The following PRDX4 variants were observed in gnomAD, a reference collection of about 807,000 sequenced individuals.
The protein encoded by PRDX4 is peroxiredoxin-4.
Under a neutral mutation model 20.5 loss-of-function variants are expected in PRDX4, and 12 were observed. The ratio of observed to expected loss-of-function variants is 0.58; its 90% CI spans 0.37 to 0.95. PRDX4 has a LOEUF of 0.95. PRDX4 is among the 40% of genes least tolerant of loss of function. The probability of loss-of-function intolerance (pLI) is 0.01; values close to 1 mark genes in which losing one functional copy is unlikely to be tolerated. For synonymous variants in PRDX4, 99 were observed against 87.5 expected, an observed-to-expected ratio of 1.13 and a Z score of -0.73; for missense variants, 180 against 207.3, an observed-to-expected ratio of 0.87 and a Z score of 0.81.
At chrX:23,683,368 G>A (rs888210223) in intron 5 of PRDX4, among the ~76,000 whole-genome samples, 1 of 111,453 alleles carries the variant, frequency 9.0e-6, no homozygotes, top group Admixed American at 9.7e-5. Flanking sequence ...AGGCCTTTCA[G>A]CTCACCAGAT....
At position 23,674,980 on chromosome X, in the gene PRDX4, T is replaced by A; in HGVS notation, c.360-10T>A. On this transcript the variant is annotated splice_polypyrimidine_tract_variant and intron_variant, in intron 2 of 6. Transcript: ENST00000379341. ...AGAATACTGAATATTTTTTTTTTTT[T>A]ACCTTTCAGCACATTTGTGTGTCCA... is the stretch of plus-strand genomic sequence containing the variant. 2.5e-6 allele frequency: 3 copies of A among 1,193,646 alleles called. No individual in the cohort carries two copies. In the South Asian group the frequency reaches 5.7e-5, roughly 23 times the overall value.
At chrX:23,674,269 AAT>A (rs1365036239) in intron 2 of PRDX4, among the ~76,000 whole-genome samples, 10 of 111,963 alleles carry the variant, frequency 8.9e-5, no homozygotes, top group Non-Finnish European at 1.9e-4. Context: ...TGTATATATA[AAT>A]ATGTGTTTCA....
intron 1 of PRDX4, 136 bp from the exon 2 acceptor site, chrX:23,671,393 G>T: frequency 2.3e-6 from 1 of 440,005 alleles, no homozygotes; most frequent in South Asian, 4.5e-5. Context: ...ACTCTTTTAA[G>T]AAGTCTGTAA....
chrX:23,681,046 G>A (rs904132284), intron 4 of PRDX4, among the ~76,000 whole-genome samples: 2 of 111,128 alleles, frequency 1.8e-5, no homozygotes, highest in African/African-American at 6.5e-5. Flanking sequence ...TGGCTAACAC[G>A]GTGAAACCCC....
intron 2 of PRDX4, among the ~76,000 whole-genome samples, chrX:23,673,299 G>A (rs1282670325): frequency 8.9e-6 from 1 of 112,325 alleles, no homozygotes; most frequent in East Asian, 2.8e-4. Flanking sequence ...ATGTAATGCT[G>A]GACTGTGCCT....
chrX:23,675,201 C>A, intron 3 of PRDX4, 95 bp downstream of exon 3: 1 of 1,186,790 alleles, frequency 8.4e-7, no homozygotes, highest in South Asian at 1.9e-5. Context: ...AGAATATAGT[C>A]ATTTATCAGA....
chrX:23,685,879 A>C (rs187231918), intron 6 of PRDX4: 29 of 155,152 alleles, frequency 1.9e-4, no homozygotes, highest in Non-Finnish European at 3.8e-4. Flanking sequence ...GACTTTAGTG[A>C]GCCCTTAGTG....
At chrX:23,674,967 A>T (rs776871650) in intron 2 of PRDX4, 23 bp from the exon 3 acceptor site, 46 of 1,085,811 alleles carry the variant, frequency 4.2e-5, no homozygotes, top group African/African-American at 4.2e-4. Flanking sequence ...AATACTGAAT[A>T]TTTTTTTTTT....
chrX:23,684,098 T>C (rs755123014), intron 6 of PRDX4, among the ~76,000 whole-genome samples: 4 of 107,928 alleles, frequency 3.7e-5, no homozygotes, highest in Non-Finnish European at 7.7e-5. Context: ...CCCTTGTTAC[T>C]AGAACTGTCT....
chrX:23,684,912 T>A (rs1330112531), intron 6 of PRDX4, among the ~76,000 whole-genome samples: 2 of 112,362 alleles, frequency 1.8e-5, no homozygotes, highest in Non-Finnish European at 3.8e-5. Context: ...ATACTGCCTA[T>A]CATAATACCT....
chrX:23,684,883 C>T (rs1025793755), intron 6 of PRDX4, among the ~76,000 whole-genome samples: 6 of 112,139 alleles, frequency 5.4e-5, no homozygotes, highest in Admixed American at 4.8e-4. Flanking sequence ...GGGACTTTGG[C>T]TGTGTTGTTC....
At chrX:23,674,078 T>C (rs909045113) in intron 2 of PRDX4, among the ~76,000 whole-genome samples, 2 of 111,118 alleles carry the variant, frequency 1.8e-5, no homozygotes, top group African/African-American at 6.5e-5. Context: ...AGCACAGCCA[T>C]GCTCCTTAAA....
chrX:23,682,325 G>A (rs1928087555), intron 4 of PRDX4, 71 bp from the exon 5 acceptor site: 1 of 878,085 alleles, frequency 1.1e-6, no homozygotes, highest in African/African-American at 2.1e-5. Flanking sequence ...CTTTTGTGTG[G>A]ATGGTATAGG....
At chrX:23,686,233 T>G in intron 6 of PRDX4, 52 bp from the exon 7 acceptor site, 1 of 1,017,667 alleles carries the variant, frequency 9.8e-7, no homozygotes, top group South Asian at 2.3e-5. Context: ...CTACTCATTA[T>G]GTACTTTGGC....
At position 23,682,531 on chromosome X, in the gene PRDX4, C is replaced by T. The variant is rs762326403; in HGVS notation, c.730+5C>T. 4.4e-6 allele frequency: 5 copies of T among 1,138,369 alleles called. No individual in the cohort carries two copies. The highest frequency in any genetic ancestry group is 5.9e-6 in the Non-Finnish European group (5 of 853,568). The allele number at this position is 1,138,369 out of a possible 1,213,427, so 93.8% of individuals were successfully genotyped here. On this transcript the variant is annotated splice_donor_5th_base_variant and intron_variant, in intron 5 of 6. Coordinates refer to ENST00000379341, the MANE Select transcript of PRDX4 (RefSeq NM_006406.2). ...ACACTGACAAACACGGAGAAGGTAC[C>T]TCTCCCTTCTAACCTTTTGATTTTT...
chrX:23,679,485 G>C (rs1432301928), intron 4 of PRDX4, among the ~76,000 whole-genome samples, 198 bp downstream of exon 4: 1 of 110,359 alleles, frequency 9.1e-6, no homozygotes, highest in Non-Finnish European at 1.9e-5. Context: ...AGGAGTTTGA[G>C]ACCAGCCTGG....
At chrX:23,683,859 A>G (rs1928132192) in intron 6 of PRDX4, among the ~76,000 whole-genome samples, 154 bp downstream of exon 6, 1 of 100,317 alleles carries the variant, frequency 1.0e-5, no homozygotes, top group Admixed American at 1.2e-4. Context: ...CCTGGCTAAC[A>G]TGGTGAAATC....
chrX:23,667,903 C>T lies in PRDX4; in HGVS notation c.241+92C>T, dbSNP rs368526712. ...CCGGAATCTGGGCTTGGGCGGCACC[C>T]CCTGGGCTGCCTCCGGGCCCTGGGC... On this transcript the variant is annotated intron_variant, in intron 1 of 6. Transcript: ENST00000379341. 28 of 1,136,860 alleles carry T rather than the reference C, an allele frequency of 2.5e-5. No homozygotes were observed. The East Asian group carries it at 6.5e-4, about 26-fold the overall frequency. 93.7% of individuals were successfully genotyped at this position (1,136,860 alleles called of 1,213,427 possible).
chrX:23,686,385 G>A lies in PRDX4; in HGVS notation c.*50G>A, dbSNP rs757198824. ...CTTGAAAGTTCTCAATAAAGTTCACGGTTTCATTACCACATTGTGTTGCAG... is the reference window on the plus strand; with the variant it reads ...CTTGAAAGTTCTCAATAAAGTTCACAGTTTCATTACCACATTGTGTTGCAG... On this transcript the variant is annotated 3_prime_UTR_variant, in exon 7 of 7. Coordinates refer to ENST00000379341, the MANE Select transcript of PRDX4 (RefSeq NM_006406.2). 2.1e-6 allele frequency: 2 copies of A among 963,362 alleles called. No homozygotes were observed. Among genetic ancestry groups the A allele is most frequent in the Non-Finnish European group, 2.9e-6 (2 of 694,404 alleles). 79.4% of individuals were successfully genotyped at this position (963,362 alleles called of 1,213,427 possible). A position where few individuals can be genotyped will look rare whatever the true frequency, so the allele number is the denominator to read the frequency against.
Sources: gnomAD v4.1 joint callset for allele counts (sites outside exome capture counted in the v4.1 genomes callset) on GRCh38, gnomAD v4.1.1 for gene constraint, MANE v1.5 for transcripts, NCBI Gene and HGNC (gene_info 2026-07-23, HGNC 2026-07-21) for gene names.